The following TSPAN4 variants were observed in gnomAD, a reference collection of about 807,000 sequenced individuals.
TSPAN4 encodes the protein tetraspanin-4.
TSPAN4 carries 38 observed loss-of-function variants against 31.5 expected under a neutral mutation model. That is an observed-to-expected ratio of 1.21 (90% CI 0.93 to 1.58). The LOEUF is 1.58. Among genes scored for constraint, TSPAN4 ranks in the 40% most tolerant of loss-of-function variants. TSPAN4 has a pLI of 0.00. For synonymous variants in TSPAN4, 186 were observed against 144.6 expected, an observed-to-expected ratio of 1.29 and a Z score of -2.06; for missense variants, 330 against 317.3, an observed-to-expected ratio of 1.04 and a Z score of -0.30.
intron 3 of TSPAN4, among the ~76,000 whole-genome samples, chr11:858,970 T>A (rs1482347554): frequency 1.6e-5 from 1 of 62,924 alleles, no homozygotes; most frequent in Non-Finnish European, 2.9e-5. Context: ...CCGGCACACA[T>A]GCACCCCGGC....
intron 1 of TSPAN4, 145 bp from the exon 2 acceptor site, chr11:847,056 T>C (rs996886214): frequency 6.6e-6 from 1 of 152,312 alleles, no homozygotes; most frequent in Non-Finnish European, 1.5e-5. Flanking sequence ...TCTGGTGGTG[T>C]ATCCCCTGCC....
chr11:851,745 G>A (rs915753917), intron 3 of TSPAN4, among the ~76,000 whole-genome samples: 7 of 151,852 alleles, frequency 4.6e-5, no homozygotes, highest in African/African-American at 1.7e-4. Flanking sequence ...GCTGCAGGTG[G>A]CTGAGTGACC....
intron 5 of TSPAN4, 129 bp downstream of exon 5, chr11:864,640 G>C: frequency 8.3e-7 from 1 of 1,210,986 alleles, no homozygotes; most frequent in Non-Finnish European, 1.2e-6. Flanking sequence ...AGGACAGCGG[G>C]TGTGGATTTA....
At chr11:865,884 C>T (rs1470008332) in intron 7 of TSPAN4, 34 bp from the exon 8 acceptor site, 4 of 1,612,872 alleles carry the variant, frequency 2.5e-6, no homozygotes, top group South Asian at 2.2e-5. Flanking sequence ...ACCAGCAGGC[C>T]CTGCCGTGAC....
chr11:861,677 A>G (rs963005500), intron 3 of TSPAN4, among the ~76,000 whole-genome samples: 1 of 151,852 alleles, frequency 6.6e-6, no homozygotes, highest in African/African-American at 2.4e-5. Flanking sequence ...GCGCCACTGC[A>G]CTCCAGCCTG....
At chr11:859,922 C>G (rs1228498038) in intron 3 of TSPAN4, 1 of 152,298 alleles carries the variant, frequency 6.6e-6, no homozygotes, top group Non-Finnish European at 1.5e-5. Flanking sequence ...CCTCGGTACT[C>G]CCAATCCTGG....
intron 1 of TSPAN4, among the ~76,000 whole-genome samples, chr11:846,828 G>T (rs1383217541): frequency 6.6e-6 from 1 of 152,188 alleles, no homozygotes; most frequent in East Asian, 1.9e-4. Context: ...CTGCGTGTCT[G>T]TGTGGGTGCA....
intron 3 of TSPAN4, among the ~76,000 whole-genome samples, chr11:855,421 G>A (rs1022189010): frequency 6.6e-6 from 1 of 152,210 alleles, no homozygotes; most frequent in Non-Finnish European, 1.5e-5. Flanking sequence ...GCCCCGCTGG[G>A]TCACAGTCTC....
Position 866,750 on chromosome 11 carries a change from G to A in TSPAN4, c.*120G>A, listed in dbSNP as rs561988037. On this transcript the variant is annotated 3_prime_UTR_variant, in exon 9 of 9. Coordinates refer to ENST00000397397, the MANE Select transcript of TSPAN4 (RefSeq NM_003271.5). ...CCCATGCTGGGAGGAGGGAGGGAGG[G>A]ACAGGTGCCTGGAGCCCCCGGAACC... The A allele has an allele frequency of 5.7e-6, 6 of 1,055,204 alleles. No individual in the cohort carries two copies. The highest frequency in any genetic ancestry group is 2.7e-5 in the Admixed American group (1 of 36,684). 65.4% of individuals were successfully genotyped at this position (1,055,204 alleles called of 1,614,324 possible).
At chr11:859,810 T>C (rs1224130741) in intron 3 of TSPAN4, 4 of 152,228 alleles carry the variant, frequency 2.6e-5, no homozygotes, top group African/African-American at 9.7e-5. Flanking sequence ...GGGCTGGCTT[T>C]GCTCAGAAGC....
chr11:845,163 C>G (rs907862418), intron 1 of TSPAN4, among the ~76,000 whole-genome samples: 1 of 152,206 alleles, frequency 6.6e-6, no homozygotes, highest in African/African-American at 2.4e-5. Flanking sequence ...CAGCCTCGCC[C>G]CCACACCTGT....
intron 4 of TSPAN4, chr11:864,118 G>C: frequency 4.4e-6 from 2 of 452,412 alleles, no homozygotes; most frequent in Non-Finnish European, 8.1e-6. Flanking sequence ...ACAGGGGCTG[G>C]GGCCTCAGGA....
At chr11:843,905 T>G (rs1445587672) in intron 1 of TSPAN4, among the ~76,000 whole-genome samples, 2 of 152,078 alleles carry the variant, frequency 1.3e-5, no homozygotes, top group African/African-American at 2.4e-5. Flanking sequence ...GACGAAGGGT[T>G]TTCTGGGTCC....
chr11:849,636 G>T (rs917565141), intron 2 of TSPAN4, among the ~76,000 whole-genome samples: 1 of 152,124 alleles, frequency 6.6e-6, no homozygotes, highest in East Asian at 1.9e-4. Flanking sequence ...GAAGGTGGGG[G>T]GGCTGGGGCG....
intron 3 of TSPAN4, among the ~76,000 whole-genome samples, chr11:861,698 C>T (rs1162750921): frequency 6.7e-6 from 1 of 149,924 alleles, no homozygotes; most frequent in Non-Finnish European, 1.5e-5. Flanking sequence ...GGTGACAGTG[C>T]GAGACTCGGT....
In TSPAN4 at chr11:859,043, C is replaced by T. The variant is rs1259626596; in HGVS notation, c.64-3507C>T. Among the ~76,000 whole-genome samples the T allele has an allele frequency of 5.2e-5, 7 of 134,936 alleles. No individual in the cohort carries two copies. The East Asian group carries it at 1.2e-3, about 23-fold the overall frequency. 88.5% of individuals were successfully genotyped at this position (134,936 alleles called of 152,430 possible). A position where few individuals can be genotyped will look rare whatever the true frequency, so the allele number is the denominator to read the frequency against. ...ATGCACCCCAGCTCTCACGCACCCC[C>T]GGGCTCACACCAACAGCTTGCACCC... On this transcript the variant is annotated intron_variant, in intron 3 of 8. Transcript: ENST00000397397.
intron 2 of TSPAN4, among the ~76,000 whole-genome samples, chr11:849,222 G>C (rs905026904): frequency 6.6e-6 from 1 of 152,088 alleles, no homozygotes; most frequent in Non-Finnish European, 1.5e-5. Flanking sequence ...CTGGTGGAGG[G>C]GGGGTGGGTA....
At chr11:864,043 G>A (rs535928084) in intron 4 of TSPAN4, 154 of 258,954 alleles carry the variant, frequency 5.9e-4, no homozygotes, top group Admixed American at 3.0e-3. Context: ...ATGAAGACAG[G>A]CACCCAGCGA....
chr11:856,022 C>A (rs1320314326), intron 3 of TSPAN4, among the ~76,000 whole-genome samples: 1 of 152,230 alleles, frequency 6.6e-6, no homozygotes, highest in East Asian at 1.9e-4. Context: ...CCAGTGACTG[C>A]ACCCCTGCCC....
Sources: gnomAD v4.1 joint callset for allele counts (sites outside exome capture counted in the v4.1 genomes callset) on GRCh38, gnomAD v4.1.1 for gene constraint, MANE v1.5 for transcripts, NCBI Gene and HGNC (gene_info 2026-07-23, HGNC 2026-07-21) for gene names.